Variants in CTIF observed in about 807,000 individuals in gnomAD.
The protein encoded by CTIF is cap binding complex dependent translation initiation factor.
A neutral mutation model predicts 66.0 loss-of-function variants in CTIF; 21 were observed. The observed-to-expected ratio is 0.32, with a 90% CI of 0.23 to 0.46. The LOEUF (loss-of-function observed/expected upper bound fraction) is 0.46. Among genes scored for constraint, CTIF ranks in the 20% least tolerant of loss-of-function variants. The pLI is 1.00. For synonymous variants in CTIF, 345 were observed against 326.4 expected (o/e 1.06, Z -0.62); for missense variants, 739 against 812.7 (o/e 0.91, Z 1.10).
chr18:48,741,530 C>A (rs2092554876), intron 7 of CTIF, among the ~76,000 whole-genome samples: 1 of 147,302 alleles, frequency 6.8e-6, no homozygotes, highest in Admixed American at 7.0e-5. Flanking sequence ...TTCAAGTATT[C>A]TTCTGCCTCA....
intron 6 of CTIF, among the ~76,000 whole-genome samples, chr18:48,674,633 C>T (rs1461231464): frequency 1.3e-5 from 2 of 152,144 alleles, no homozygotes; most frequent in Admixed American, 1.3e-4. Flanking sequence ...GCAATGAATC[C>T]AGGGGTGAGT....
intron 1 of CTIF, among the ~76,000 whole-genome samples, chr18:48,595,233 G>T (rs930300258): frequency 2.0e-5 from 3 of 152,100 alleles, no homozygotes; most frequent in African/African-American, 7.2e-5. Flanking sequence ...AAGGTGGCAG[G>T]CACCTTAGAG....
chr18:48,707,536 T>C (rs1451596744), intron 6 of CTIF, among the ~76,000 whole-genome samples: 2 of 151,944 alleles, frequency 1.3e-5, no homozygotes, highest in African/African-American at 4.8e-5. Flanking sequence ...CTCCTCCTTC[T>C]TTTCCTTGTC....
intron 1 of CTIF, among the ~76,000 whole-genome samples, chr18:48,611,136 C>G (rs948661513): frequency 1.3e-5 from 2 of 152,204 alleles, no homozygotes; most frequent in Non-Finnish European, 2.9e-5. Flanking sequence ...CCCTTCAGCC[C>G]CCAAGGTCCC....
intron 10 of CTIF, among the ~76,000 whole-genome samples, chr18:48,821,885 G>A (rs2068490391): frequency 6.6e-6 from 1 of 152,170 alleles, no homozygotes; most frequent in Admixed American, 6.5e-5. Context: ...TAAGGATAAA[G>A]TACAGTATTG....
In CTIF at chr18:48,817,303, T is replaced by A; in HGVS notation, c.1454T>A (p.Phe485Tyr). Residue 485 changes from phenylalanine to tyrosine, a missense_variant, in exon 10 of 12, where the codon TTC becomes TAC. By Grantham distance (22) the Phe-to-Tyr change is conservative. Coordinates refer to ENST00000256413, the MANE Select transcript of CTIF (RefSeq NM_014772.3). ...TTCATCACCTTCCTGTGCGAGGTCT[T>A]CGGCACCATGCGCAGCAGCACAGGC... ...LGFITFLCEV[F>Y]GTMRSSTGEP... is the part of the protein sequence containing the mutation. 6.2e-7 allele frequency: 1 copy of A among 1,613,970 alleles called. No individual in the cohort carries two copies. Among genetic ancestry groups the A allele is most frequent in the Admixed American group, 1.7e-5 (1 of 60,030 alleles).
At chr18:48,853,324 G>A (rs2146644243) in intron 10 of CTIF, among the ~76,000 whole-genome samples, 1 of 152,260 alleles carries the variant, frequency 6.6e-6, no homozygotes, top group Non-Finnish European at 1.5e-5. Flanking sequence ...TCTGCCCTGG[G>A]GATGTTTGGG....
Position 48,758,142 on chromosome 18 carries a change from A to G in CTIF, c.808A>G (p.Asn270Asp). ...GDKGEAGAHR[N>D]AKETMTIENP... is the part of the protein sequence containing the mutation. Reference sequence around the variant, plus strand: ...CAAGGGGGAGGCAGGCGCACACCGCAATGCCAAAGAGACCATGACCATCGA... The same window carrying G: ...CAAGGGGGAGGCAGGCGCACACCGCGATGCCAAAGAGACCATGACCATCGA... The change falls in exon 8 of 12, where the codon AAT becomes GAT. Residue 270 changes from asparagine to aspartate, a missense_variant. Physicochemically the swap from Asn to Asp is conservative, Grantham distance 23. Around this residue, in one of 2 missense-constraint regions of CTIF, gnomAD observed 529 missense variants for 520.3 expected, o/e 1.02. Coordinates refer to ENST00000256413, the MANE Select transcript of CTIF (RefSeq NM_014772.3). 2 of 1,614,016 alleles carry G rather than the reference A, an allele frequency of 1.2e-6. No homozygotes were observed. The highest frequency in any genetic ancestry group is 1.7e-6 in the Non-Finnish European group (2 of 1,180,004).
At chr18:48,772,707 T>C (rs1482716842) in intron 9 of CTIF, among the ~76,000 whole-genome samples, 3 of 152,256 alleles carry the variant, frequency 2.0e-5, no homozygotes, top group African/African-American at 7.2e-5. Flanking sequence ...TTTATGTCTA[T>C]ACCACATTTT....
intron 1 of CTIF, among the ~76,000 whole-genome samples, chr18:48,553,719 G>A (rs567217706): frequency 4.0e-5 from 6 of 150,864 alleles, no homozygotes; most frequent in Non-Finnish European, 8.9e-5. Context: ...GCAGTGGCGT[G>A]ATCTCAGCTC....
chr18:48,794,374 G>A (rs1429909754), intron 9 of CTIF, among the ~76,000 whole-genome samples: 1 of 152,226 alleles, frequency 6.6e-6, no homozygotes, highest in Non-Finnish European at 1.5e-5. Context: ...GTCGGGGAAA[G>A]CCAGATCTAA....
At chr18:48,799,974 G>A (rs2068015406) in intron 9 of CTIF, among the ~76,000 whole-genome samples, 1 of 152,260 alleles carries the variant, frequency 6.6e-6, no homozygotes, top group South Asian at 2.1e-4. Flanking sequence ...AGTGAGGGAT[G>A]TCACAAGAGT....
intron 7 of CTIF, among the ~76,000 whole-genome samples, chr18:48,755,116 TGCAG>T (rs1908224963): frequency 6.6e-6 from 1 of 152,230 alleles, no homozygotes; most frequent in Non-Finnish European, 1.5e-5. Context: ...GGGCCATAGC[TGCAG>T]GCGCCACAAA....
At chr18:48,671,269 A>G (rs886245371) in intron 6 of CTIF, among the ~76,000 whole-genome samples, 4 of 152,128 alleles carry the variant, frequency 2.6e-5, no homozygotes, top group African/African-American at 9.7e-5. Flanking sequence ...TCACTCAGTG[A>G]ATCCAGGTCT....
Position 48,636,627 on chromosome 18 carries a change from G to A in CTIF, c.194G>A (p.Cys65Tyr). The change falls in exon 3 of 12, where the codon TGC becomes TAC. Residue 65 changes from cysteine to tyrosine, a missense_variant. This residue lies in a region of CTIF where 529 missense variants were observed against 520.3 expected (regional missense o/e 1.02). Coordinates refer to ENST00000256413, the MANE Select transcript of CTIF (RefSeq NM_014772.3). Reference sequence around the variant, plus strand: ...TCTGTTCTGCAGTGGACAGCGGACTGCAGCGAACCGCTGGACAGCAGCTGT... The same window carrying A: ...TCTGTTCTGCAGTGGACAGCGGACTACAGCGAACCGCTGGACAGCAGCTGT... ...QSHISQWTAD[C>Y]SEPLDSSCSF... The A allele has an allele frequency of 6.3e-7, 1 of 1,587,942 alleles. No individual in the cohort carries two copies. The highest frequency in any genetic ancestry group is 8.5e-7 in the Non-Finnish European group (1 of 1,169,694).
intron 2 of CTIF, among the ~76,000 whole-genome samples, chr18:48,629,937 A>G (rs1464670414): frequency 6.6e-6 from 1 of 152,218 alleles, no homozygotes; most frequent in Non-Finnish European, 1.5e-5. Context: ...CTGGTGATTA[A>G]TTCTTTGCTA....
intron 3 of CTIF, among the ~76,000 whole-genome samples, chr18:48,648,890 C>T (rs1243939588): frequency 2.6e-5 from 4 of 152,126 alleles, no homozygotes; most frequent in African/African-American, 7.2e-5. Context: ...GAGGCTGAGG[C>T]GGGTGGATCA....
chr18:48,851,150 C>T (rs1203491764), intron 10 of CTIF, among the ~76,000 whole-genome samples: 3 of 152,228 alleles, frequency 2.0e-5, no homozygotes, highest in East Asian at 3.9e-4. Context: ...GCAGTCTGTC[C>T]TCTGCCCTGA....
intron 7 of CTIF, among the ~76,000 whole-genome samples, chr18:48,728,739 T>TGTGAGAGA (rs1555680984): frequency 1.4e-5 from 2 of 139,126 alleles, no homozygotes; most frequent in Non-Finnish European, 3.2e-5. Context: ...AGGGGGAGAG[T>TGTGAGAGA]GAGAGAGAGA....
Sources: allele counts gnomAD v4.1 joint callset (sites outside exome capture counted in the v4.1 genomes callset), GRCh38; gene constraint gnomAD v4.1.1; regional missense constraint gnomAD v4.1.1; transcripts MANE v1.5; gene names NCBI Gene and HGNC (gene_info 2026-07-23, HGNC 2026-07-21).